The following CDON variants were observed in gnomAD, a reference collection of about 807,000 sequenced individuals.
CDON encodes the protein cell adhesion molecule-related/down-regulated by oncogenes.
CDON carries 73 observed loss-of-function variants against 120.9 expected under a neutral mutation model. That is an observed-to-expected ratio of 0.60 (90% CI 0.50 to 0.73). CDON has a LOEUF of 0.73. Among genes scored for constraint, CDON ranks in the 30% least tolerant of loss-of-function variants. The pLI is 0.00. For missense variants in CDON, 1,470 were observed against 1,587.3 expected (o/e 0.93, Z 1.26); for synonymous variants, 566 against 573.5 (o/e 0.99, Z 0.19).
intron 18 of CDON, among the ~76,000 whole-genome samples, chr11:125,972,316 T>C (rs1410122376): frequency 1.3e-5 from 2 of 151,992 alleles, no homozygotes; most frequent in Non-Finnish European, 2.9e-5. Flanking sequence ...TAATTCCAGC[T>C]ACTAAGGAGG....
At chr11:125,993,670 A>G (rs1232005143) in intron 14 of CDON, among the ~76,000 whole-genome samples, 1 of 152,220 alleles carries the variant, frequency 6.6e-6, no homozygotes, top group Non-Finnish European at 1.5e-5. Context: ...AAAACGTCTC[A>G]GTGCACACAA....
chr11:126,035,899 C>T (rs938460972), intron 1 of CDON, among the ~76,000 whole-genome samples: 5 of 152,110 alleles, frequency 3.3e-5, no homozygotes, highest in Admixed American at 1.3e-4. Context: ...GCATCAGGTC[C>T]GGCCTGACTA....
intron 17 of CDON, among the ~76,000 whole-genome samples, chr11:125,980,794 C>T (rs1413566289): frequency 6.6e-6 from 1 of 152,194 alleles, no homozygotes; most frequent in Non-Finnish European, 1.5e-5. Context: ...CCAGTCTGTT[C>T]ACTGCTGGTA....
At chr11:126,046,951 C>G (rs1462739060) in intron 1 of CDON, among the ~76,000 whole-genome samples, 2 of 152,174 alleles carry the variant, frequency 1.3e-5, no homozygotes, top group Admixed American at 6.5e-5. Context: ...AGTAGGAAAC[C>G]TGAAAGAACA....
chr11:126,038,991 T>C (rs976100050), intron 1 of CDON, among the ~76,000 whole-genome samples: 1 of 152,216 alleles, frequency 6.6e-6, no homozygotes, highest in Admixed American at 6.5e-5. Flanking sequence ...AGCTTTTATA[T>C]AGACAGAGGC....
intron 7 of CDON, chr11:126,010,919 C>A: frequency 1.7e-6 from 1 of 597,952 alleles, no homozygotes; most frequent in Non-Finnish European, 3.1e-6. Context: ...ATTTCCTGTC[C>A]TTCAGAAAGA....
intron 18 of CDON, among the ~76,000 whole-genome samples, chr11:125,970,409 G>A (rs1296203464): frequency 6.6e-6 from 1 of 151,954 alleles, no homozygotes; most frequent in African/African-American, 2.4e-5. Context: ...TTCTGACCTC[G>A]TGATCTGCCT....
At chr11:126,005,017 G>A (rs947226465) in intron 9 of CDON, among the ~76,000 whole-genome samples, 1 of 152,168 alleles carries the variant, frequency 6.6e-6, no homozygotes, top group Non-Finnish European at 1.5e-5. Flanking sequence ...AAGGCAACTT[G>A]AAGCTGGGCA....
chr11:125,975,323 C>T (rs933042353), intron 18 of CDON, among the ~76,000 whole-genome samples: 7 of 152,232 alleles, frequency 4.6e-5, no homozygotes, highest in Admixed American at 3.3e-4. Flanking sequence ...AGACTATGGA[C>T]TCTCTGAAGG....
Position 126,023,857 on chromosome 11 carries a change from T to G in CDON, c.-61-320A>C, listed in dbSNP as rs537922091. Among the ~76,000 whole-genome samples, 15 of 152,340 alleles carry G rather than the reference T, an allele frequency of 9.8e-5. No individual in the cohort carries two copies. In the South Asian group the frequency reaches 1.2e-3, roughly 13 times the overall value. On this transcript the variant is annotated intron_variant, in intron 1 of 19. Coordinates refer to ENST00000531738, the MANE Select transcript of CDON (RefSeq NM_001378964.1). ...CATACAAAACTCAATGCAACCAACA[T>G]GTATTCCTCTTTCACATCCCCTAAA...
chr11:126,050,760 C>A (rs984483116), intron 1 of CDON, among the ~76,000 whole-genome samples: 15 of 152,116 alleles, frequency 9.9e-5, no homozygotes, highest in Admixed American at 9.8e-4. Flanking sequence ...CCATGCACAG[C>A]CTGGGTCAGG....
At position 126,010,363 on chromosome 11, in the gene CDON, C is replaced by A; in HGVS notation, c.1530G>T (p.Gln510His). The change falls in exon 8 of 20, where the codon CAG (glutamine) becomes CAT (histidine). Residue 510 changes from glutamine (Q) to histidine (H), a missense_variant. Gln to His is a conservative substitution (Grantham distance 24). Coordinates refer to ENST00000531738, the MANE Select transcript of CDON (RefSeq NM_001378964.1). ...CACCAACCATGAGAGATGCTTCTGCCTGTGTGGTACCATGTTCATTTGCAG... is the reference window on the plus strand; with the variant it reads ...CACCAACCATGAGAGATGCTTCTGCATGTGTGGTACCATGTTCATTTGCAG... ...CEAANEHGTT[Q>H]AEASLMVVPF... is the part of the protein sequence containing the mutation. 1 of 1,611,542 alleles carries A rather than the reference C, an allele frequency of 6.2e-7. No individual in the cohort carries two copies. The highest frequency in any genetic ancestry group is 8.5e-7 in the Non-Finnish European group (1 of 1,178,864).
At chr11:126,057,793 C>T (rs1261354445) in intron 1 of CDON, among the ~76,000 whole-genome samples, 1 of 152,206 alleles carries the variant, frequency 6.6e-6, no homozygotes, top group East Asian at 1.9e-4. Flanking sequence ...GTTTCACGTG[C>T]CCGCACTATT....
chr11:126,022,966 T>A (rs1429584971), intron 2 of CDON, among the ~76,000 whole-genome samples: 1 of 152,180 alleles, frequency 6.6e-6, no homozygotes, highest in African/African-American at 2.4e-5. Context: ...GGCAAGCTCA[T>A]AAGAGAAAGT....
intron 14 of CDON, 82 bp from the exon 15 acceptor site, chr11:125,989,841 A>C: frequency 5.4e-6 from 7 of 1,302,316 alleles, no homozygotes; most frequent in Non-Finnish European, 6.4e-6. Context: ...TTTCAGGATG[A>C]GGCTGGAGCA....
intron 1 of CDON, among the ~76,000 whole-genome samples, chr11:126,054,653 A>C (rs924963111): frequency 1.5e-4 from 23 of 152,198 alleles, no homozygotes; most frequent in Non-Finnish European, 2.9e-4. Context: ...GAAACTTGTT[A>C]GAAAGGAAGA....
chr11:125,992,499 T>A (rs1946659847), intron 14 of CDON, among the ~76,000 whole-genome samples: 1 of 152,034 alleles, frequency 6.6e-6, no homozygotes, highest in Non-Finnish European at 1.5e-5. Context: ...ACCTCAAACA[T>A]CCCCTTATGC....
chr11:125,957,390 T>A lies in CDON; in HGVS notation c.*3552A>T, dbSNP rs1945514241. 6.6e-6 allele frequency: 1 copy of A among 152,170 alleles called. No homozygotes were observed. Among genetic ancestry groups the A allele is most frequent in the East Asian group, 1.9e-4 (1 of 5,196 alleles). 9.4% of individuals were successfully genotyped at this position (152,170 alleles called of 1,614,324 possible). The stretch of plus-strand genomic sequence containing the variant: ...AGAGGAAGACATTCGCCCACCCCAA[T>A]CACAAACTATAAGCAGCGTTGTACA... On this transcript the variant is annotated 3_prime_UTR_variant, in exon 20 of 20. Transcript: ENST00000531738.
At chr11:126,023,586 T>C (rs1160329507) in intron 1 of CDON, 49 bp from the exon 2 acceptor site, 1 of 845,736 alleles carries the variant, frequency 1.2e-6, no homozygotes, top group Non-Finnish European at 2.0e-6. Context: ...ATCTTTCGTC[T>C]GAGCAGCTGG....
Sources: gnomAD v4.1 joint callset for allele counts (sites outside exome capture counted in the v4.1 genomes callset) on GRCh38, gnomAD v4.1.1 for gene constraint, MANE v1.5 for transcripts, NCBI Gene and HGNC (gene_info 2026-07-23, HGNC 2026-07-21) for gene names.